ACTR3C: variants seen among roughly 807,000 people sequenced by gnomAD.
ACTR3C encodes actin-related protein 3C.
A neutral mutation model predicts 26.3 loss-of-function variants in ACTR3C; 18 were observed. The observed-to-expected ratio is 0.68, with a 90% CI of 0.47 to 1.01. The LOEUF (loss-of-function observed/expected upper bound fraction) is 1.01. ACTR3C is among the 50% of genes least tolerant of loss of function. ACTR3C has a pLI of 0.00. For synonymous variants in ACTR3C, 55 were observed against 94.5 expected, an observed-to-expected ratio of 0.58 and a Z score of 2.42; for missense variants, 184 against 250.7, an observed-to-expected ratio of 0.73 and a Z score of 1.80.
the ACTR3C span, among the ~76,000 whole-genome samples, chr7:149,893,270 C>T: frequency 6.6e-6 from 1 of 152,220 alleles, no homozygotes; most frequent in African/African-American, 2.4e-5. Context: ...GATGCTTCCA[C>T]TGGCCCTTTT....
chr7:150,040,080 G>T, the ACTR3C span, among the ~76,000 whole-genome samples: 1 of 142,078 alleles, frequency 7.0e-6, no homozygotes, highest in African/African-American at 2.8e-5. Flanking sequence ...ACTGCGATGG[G>T]AGTCCCAAGA....
chr7:150,259,906 T>C (rs2129609936), intron 6 of ACTR3C, among the ~76,000 whole-genome samples: 1 of 152,318 alleles, frequency 6.6e-6, no homozygotes, highest in African/African-American at 2.4e-5. Context: ...ATAGAATTAG[T>C]ATGTTCACTT....
chr7:150,078,438 C>A, the ACTR3C span, among the ~76,000 whole-genome samples: 1 of 149,164 alleles, frequency 6.7e-6, no homozygotes, highest in South Asian at 2.2e-4. Flanking sequence ...TTTTCCATCA[C>A]AAAATAATTA....
At chr7:150,068,336 C>T in the ACTR3C span, among the ~76,000 whole-genome samples, 1 of 152,188 alleles carries the variant, frequency 6.6e-6, no homozygotes, top group East Asian at 1.9e-4. Flanking sequence ...ACACAGGCTT[C>T]CTTGCTCTTT....
the ACTR3C span, among the ~76,000 whole-genome samples, chr7:150,227,304 C>T: frequency 8.6e-5 from 13 of 150,926 alleles, no homozygotes; most frequent in Non-Finnish European, 1.5e-4. Flanking sequence ...TTCTCTCCTT[C>T]ATTTTTAGCC....
chr7:150,041,487 A>G, the ACTR3C span: 12 of 178,452 alleles, frequency 6.7e-5, no homozygotes, highest in Non-Finnish European at 9.0e-5. Context: ...CTTAGGAGCA[A>G]CGATGGGGGG....
the ACTR3C span, among the ~76,000 whole-genome samples, chr7:149,889,670 G>T: frequency 1.3e-5 from 2 of 152,102 alleles, no homozygotes; most frequent in Non-Finnish European, 2.9e-5. Context: ...GGTGCAAATG[G>T]AGGCAACCCC....
chr7:150,077,684 G>A, the ACTR3C span, among the ~76,000 whole-genome samples: 4 of 151,824 alleles, frequency 2.6e-5, no homozygotes, highest in Non-Finnish European at 2.9e-5. Flanking sequence ...TGATCCTTGG[G>A]TTAGAAGTTA....
chr7:150,255,716 C>G (rs1017376155), intron 6 of ACTR3C, among the ~76,000 whole-genome samples: 1 of 152,170 alleles, frequency 6.6e-6, no homozygotes, highest in African/African-American at 2.4e-5. Flanking sequence ...GAAGTATTTT[C>G]ACCTTATAGT....
At chr7:150,004,969 G>T in the ACTR3C span, 1 of 152,338 alleles carries the variant, frequency 6.6e-6, no homozygotes, top group Non-Finnish European at 1.5e-5. Context: ...CAGGGAGCAG[G>T]TGAAACTGGA....
At chr7:149,962,460 C>T in the ACTR3C span, among the ~76,000 whole-genome samples, 132,253 of 151,896 alleles carry the variant, frequency 0.87, 59,258 homozygotes, top group Non-Finnish European at 0.98. Flanking sequence ...TGTGCTGGGA[C>T]GGGAGGGAGC....
chr7:150,290,350 C>T (rs1417428462), intron 3 of ACTR3C, among the ~76,000 whole-genome samples: 1 of 152,216 alleles, frequency 6.6e-6, no homozygotes. Flanking sequence ...GGGCCCAAAG[C>T]TCCCTCATCA....
intron 6 of ACTR3C, among the ~76,000 whole-genome samples, chr7:150,280,290 A>T (rs866755840): frequency 1.6e-4 from 25 of 152,116 alleles, no homozygotes; most frequent in Middle Eastern, 3.2e-3. Context: ...CTGCTCTCAC[A>T]CGGAGGCTTC....
chr7:149,972,145 C>T, the ACTR3C span, among the ~76,000 whole-genome samples: 316 of 152,294 alleles, frequency 2.1e-3, no homozygotes, highest in South Asian at 5.6e-3. Context: ...GCTTCACCGG[C>T]CCTGCACACT....
the ACTR3C span, among the ~76,000 whole-genome samples, chr7:150,191,720 C>T: frequency 3.3e-5 from 5 of 152,176 alleles, no homozygotes; most frequent in Admixed American, 3.3e-4. Flanking sequence ...GACTTCTCTA[C>T]CAACCTGTGG....
At chr7:149,982,866 C>G in the ACTR3C span, among the ~76,000 whole-genome samples, 18 of 147,422 alleles carry the variant, frequency 1.2e-4, no homozygotes, top group African/African-American at 4.8e-4. Context: ...CATTTAGATG[C>G]CTTTAGTTTC....
the ACTR3C span, among the ~76,000 whole-genome samples, chr7:150,033,756 G>A: frequency 6.6e-6 from 1 of 151,570 alleles, no homozygotes; most frequent in Non-Finnish European, 1.5e-5. Flanking sequence ...CACCCTCGTG[G>A]GGGGTGCTTC....
the ACTR3C span, among the ~76,000 whole-genome samples, chr7:150,035,930 C>A: frequency 7.5e-6 from 1 of 133,926 alleles, no homozygotes; most frequent in Non-Finnish European, 1.7e-5. Flanking sequence ...GCCTCGCCCT[C>A]CTGCGATGGG....
At chr7:149,920,860 A>C in the ACTR3C span, among the ~76,000 whole-genome samples, 2 of 151,898 alleles carry the variant, frequency 1.3e-5, no homozygotes, top group Non-Finnish European at 2.9e-5. Flanking sequence ...TCTGCCTCCC[A>C]GGTTCAAGCG....
Sources: gnomAD v4.1 joint callset for allele counts (sites outside exome capture counted in the v4.1 genomes callset) on GRCh38, gnomAD v4.1.1 for gene constraint, MANE v1.5 for transcripts, NCBI Gene and HGNC (gene_info 2026-07-23, HGNC 2026-07-21) for gene names.